Variants in RORA observed in about 807,000 individuals in gnomAD.
RORA encodes the protein nuclear receptor ROR-alpha.
RORA carries 7 observed loss-of-function variants against 69.5 expected under a neutral mutation model. The observed-to-expected ratio is 0.10, with a 90% CI of 0.06 to 0.19. The LOEUF (loss-of-function observed/expected upper bound fraction) is 0.19. RORA is among the 10% of genes least tolerant of loss of function. RORA has a pLI of 1.00. For missense variants in RORA, 457 were observed against 663.0 expected (o/e 0.69, Z 3.41); for synonymous variants, 261 against 240.8 (o/e 1.08, Z -0.78).
At chr15:60,498,381 A>G (rs2065227575) in intron 10 of RORA, among the ~76,000 whole-genome samples, 2 of 152,124 alleles carry the variant, frequency 1.3e-5, no homozygotes. Context: ...TCCTCTACAC[A>G]TTTTATCCAG....
At chr15:60,662,833 G>A (rs1421027403) in intron 2 of RORA, among the ~76,000 whole-genome samples, 1 of 152,198 alleles carries the variant, frequency 6.6e-6, no homozygotes, top group Non-Finnish European at 1.5e-5. Context: ...ATGCTGTGGT[G>A]TGCTGCATAG....
chr15:60,942,092 T>A (rs993540847), intron 1 of RORA, among the ~76,000 whole-genome samples: 2 of 151,952 alleles, frequency 1.3e-5, no homozygotes, highest in African/African-American at 4.8e-5. Flanking sequence ...TTTAAAAACA[T>A]GGAATTTTTT....
At chr15:60,833,126 G>A (rs376701389) in intron 1 of RORA, among the ~76,000 whole-genome samples, 5 of 151,726 alleles carry the variant, frequency 3.3e-5, no homozygotes, top group African/African-American at 7.3e-5. Flanking sequence ...GGATGGTCTC[G>A]AACTCCTGAC....
chr15:61,118,752 G>C (rs1184895888), intron 1 of RORA, among the ~76,000 whole-genome samples: 7 of 152,012 alleles, frequency 4.6e-5, no homozygotes, highest in African/African-American at 1.7e-4. Flanking sequence ...TAGGGAGGAG[G>C]AATGATTTTT....
intron 1 of RORA, among the ~76,000 whole-genome samples, chr15:60,918,794 T>C (rs1045800562): frequency 6.6e-6 from 1 of 152,142 alleles, no homozygotes; most frequent in Non-Finnish European, 1.5e-5. Context: ...ATGTGTGAGC[T>C]TGAGCAAAGG....
chr15:60,659,654 T>A (rs1410431054), intron 2 of RORA, among the ~76,000 whole-genome samples: 2 of 152,202 alleles, frequency 1.3e-5, no homozygotes, highest in Non-Finnish European at 2.9e-5. Context: ...TGTCATGTCC[T>A]CCTCACTAAA....
At chr15:61,086,149 AC>A (rs2078621714) in intron 1 of RORA, among the ~76,000 whole-genome samples, 1 of 152,218 alleles carries the variant, frequency 6.6e-6, no homozygotes, top group African/African-American at 2.4e-5. Flanking sequence ...TCCTTTTCAA[AC>A]TGCAAAACCA....
intron 10 of RORA, among the ~76,000 whole-genome samples, chr15:60,499,369 CAA>C (rs1427076882): frequency 6.6e-6 from 1 of 151,946 alleles, no homozygotes; most frequent in Non-Finnish European, 1.5e-5. Flanking sequence ...CCCATCTCTA[CAA>C]AAAATAATTA....
chr15:60,764,375 A>G (rs1227204600), intron 1 of RORA, among the ~76,000 whole-genome samples: 2 of 152,146 alleles, frequency 1.3e-5, no homozygotes, highest in East Asian at 3.9e-4. Flanking sequence ...TCAGTAAAAT[A>G]AAGGAATGGA....
At chr15:60,597,564 ATATATATAT>A (rs1201061710) in intron 2 of RORA, among the ~76,000 whole-genome samples, 5 of 32,466 alleles carry the variant, frequency 1.5e-4, no homozygotes, top group African/African-American at 7.9e-4. Context: ...ATATATATAT[ATATATATAT>A]ACACATATAT....
At chr15:60,822,028 T>G (rs542730186) in intron 1 of RORA, among the ~76,000 whole-genome samples, 1 of 152,054 alleles carries the variant, frequency 6.6e-6, no homozygotes, top group Non-Finnish European at 1.5e-5. Flanking sequence ...ATTTTAGAAC[T>G]AAAAAAAATA....
intron 1 of RORA, among the ~76,000 whole-genome samples, chr15:60,816,738 A>AAAATAAAAT (rs1555455470): frequency 3.4e-4 from 49 of 144,660 alleles, no homozygotes; most frequent in East Asian, 8.3e-4. Flanking sequence ...GTATAATAAA[A>AAAATAAAAT]AAAATAAAAT....
intron 1 of RORA, among the ~76,000 whole-genome samples, chr15:61,015,273 G>C (rs1895240726): frequency 2.0e-5 from 3 of 152,112 alleles, no homozygotes; most frequent in Admixed American, 2.0e-4. Flanking sequence ...TTTGGGGAGG[G>C]ACTTTCCTGC....
At chr15:61,133,938 C>A (rs1344120085) in intron 1 of RORA, among the ~76,000 whole-genome samples, 2 of 152,148 alleles carry the variant, frequency 1.3e-5, no homozygotes, top group East Asian at 1.9e-4. Context: ...GAACATCTTG[C>A]CAAAACACAA....
At chr15:61,127,867 AT>A (rs1256044082) in intron 1 of RORA, among the ~76,000 whole-genome samples, 6 of 152,228 alleles carry the variant, frequency 3.9e-5, no homozygotes, top group African/African-American at 1.2e-4. Context: ...AATATTTTTA[AT>A]TTATGAAAAT....
intron 3 of RORA, among the ~76,000 whole-genome samples, chr15:60,518,976 A>G (rs1595899703): frequency 6.6e-6 from 1 of 152,264 alleles, no homozygotes; most frequent in East Asian, 1.9e-4. Context: ...GGAAGCAAAG[A>G]GAGACCACAT....
At chr15:60,820,207 A>G (rs965792457) in intron 1 of RORA, among the ~76,000 whole-genome samples, 1 of 152,216 alleles carries the variant, frequency 6.6e-6, no homozygotes, top group Admixed American at 6.5e-5. Context: ...CAGGGAATTT[A>G]CAGGGTTTCT....
intron 1 of RORA, among the ~76,000 whole-genome samples, chr15:61,026,286 C>A (rs1249167370): frequency 6.6e-6 from 1 of 152,134 alleles, no homozygotes; most frequent in African/African-American, 2.4e-5. Flanking sequence ...ATTACCAGCC[C>A]AACAGCGAAC....
chr15:61,136,072 G>A (rs879806065), intron 1 of RORA, among the ~76,000 whole-genome samples: 9 of 152,140 alleles, frequency 5.9e-5, no homozygotes, highest in African/African-American at 1.9e-4. Flanking sequence ...TTTAGGTATC[G>A]ACCCTGGTTT....
Sources: gnomAD v4.1 joint callset for allele counts (sites outside exome capture counted in the v4.1 genomes callset) on GRCh38, gnomAD v4.1.1 for gene constraint, MANE v1.5 for transcripts, NCBI Gene and HGNC (gene_info 2026-07-23, HGNC 2026-07-21) for gene names.